Variants in PIAS1 observed in about 807,000 individuals in gnomAD.
The protein encoded by PIAS1 is protein inhibitor of activated STAT 1, also known as E3 SUMO-protein ligase PIAS1.
PIAS1 carries 6 observed loss-of-function variants against 71.3 expected under a neutral mutation model. The observed-to-expected ratio is 0.08, with a 90% CI of 0.05 to 0.17. PIAS1 has a LOEUF of 0.17. Ranked by LOEUF, PIAS1 falls within the 10% of genes least tolerant of loss-of-function variation. The pLI, the probability that PIAS1 is intolerant of heterozygous loss-of-function variation, is 1.00. For synonymous variants in PIAS1, 303 were observed against 292.9 expected, an observed-to-expected ratio of 1.03 and a Z score of -0.35; for missense variants, 555 against 793.6, an observed-to-expected ratio of 0.70 and a Z score of 3.61.
intron 2 of PIAS1, among the ~76,000 whole-genome samples, chr15:68,132,110 A>G (rs887994880): frequency 1.3e-5 from 2 of 151,962 alleles, no homozygotes; most frequent in African/African-American, 4.8e-5. Context: ...ATGGAGGTGC[A>G]TCAGAATTAT....
chr15:68,092,257 T>C (rs530221047), intron 2 of PIAS1, among the ~76,000 whole-genome samples: 1 of 152,172 alleles, frequency 6.6e-6, no homozygotes, highest in African/African-American at 2.4e-5. Flanking sequence ...CACTGCAACC[T>C]CCGCTTCCTG....
At chr15:68,145,970 A>G (rs1268943177) in intron 5 of PIAS1, 64 bp downstream of exon 5, 25 of 935,518 alleles carry the variant, frequency 2.7e-5, no homozygotes, top group Non-Finnish European at 3.7e-5. Flanking sequence ...AGTCATCACA[A>G]CTGTTGTTAA....
At chr15:68,099,493 T>C (rs909424285) in intron 2 of PIAS1, among the ~76,000 whole-genome samples, 1 of 152,000 alleles carries the variant, frequency 6.6e-6, no homozygotes, top group Non-Finnish European at 1.5e-5. Context: ...ATATCACAAT[T>C]TCTCTAACTA....
intron 2 of PIAS1, among the ~76,000 whole-genome samples, chr15:68,116,914 A>C (rs1361291677): frequency 2.0e-5 from 3 of 152,164 alleles, no homozygotes; most frequent in Non-Finnish European, 4.4e-5. Flanking sequence ...CTAACACATA[A>C]AAATTGTACA....
At chr15:68,101,181 T>C (rs573553115) in intron 2 of PIAS1, among the ~76,000 whole-genome samples, 17 of 152,312 alleles carry the variant, frequency 1.1e-4, no homozygotes, top group African/African-American at 3.6e-4. Flanking sequence ...ATTACAGGTG[T>C]GAGCCACCGT....
chr15:68,077,038 A>G (rs2092173888), intron 1 of PIAS1, among the ~76,000 whole-genome samples: 1 of 152,214 alleles, frequency 6.6e-6, no homozygotes, highest in Non-Finnish European at 1.5e-5. Context: ...TCTACTTTTA[A>G]ATTAAAAAAA....
Position 68,148,121 on chromosome 15 carries a change from A to T in PIAS1, c.828+1421A>T, listed in dbSNP as rs147328900. On this transcript the variant is annotated intron_variant, in intron 6 of 13. Coordinates refer to ENST00000249636, the MANE Select transcript of PIAS1 (RefSeq NM_016166.3). The stretch of plus-strand genomic sequence containing the variant: ...TATAAGTACTATAAAAGAGAAGCAC[A>T]TGGTGATTTTACAGTGTATCAAAGG... 8.5e-4 allele frequency among the ~76,000 whole-genome samples: 130 copies of T among 152,300 alleles called. 1 individual carries two copies. Among genetic ancestry groups the T allele is most frequent in the African/African-American group, 3.0e-3 (126 of 41,566 alleles).
intron 1 of PIAS1, among the ~76,000 whole-genome samples, chr15:68,084,964 AGGAAGGAC>A (rs753550930): frequency 7.9e-5 from 12 of 152,190 alleles, no homozygotes; most frequent in Non-Finnish European, 1.6e-4. Flanking sequence ...AGAGAAGTAA[AGGAAGGAC>A]TCATATTTCT....
At chr15:68,064,579 G>A (rs979998134) in intron 1 of PIAS1, among the ~76,000 whole-genome samples, 7 of 152,178 alleles carry the variant, frequency 4.6e-5, no homozygotes, top group South Asian at 2.1e-4. Flanking sequence ...AGATTCCTGC[G>A]TTGCAGCAGC....
chr15:68,067,623 TTAAA>T (rs1043480413), intron 1 of PIAS1, among the ~76,000 whole-genome samples: 2 of 152,096 alleles, frequency 1.3e-5, no homozygotes, highest in African/African-American at 4.8e-5. Context: ...ATAATGATTC[TTAAA>T]TAGATGCCTA....
In PIAS1 at chr15:68,164,928, A is replaced by C. The variant is rs1250690997; in HGVS notation, c.1008+124A>C. ...AATATGTCCACCATTGTTACAGTTT[A>C]TGAAAAGTGGAAAGACATCTAGGCA... On this transcript the variant is annotated intron_variant, in intron 8 of 13. Transcript: ENST00000249636. 6.8e-6 allele frequency: 4 copies of C among 584,380 alleles called. No individual in the cohort carries two copies. In the African/African-American group the frequency reaches 7.4e-5, roughly 11 times the overall value. 36.2% of individuals were successfully genotyped at this position (584,380 alleles called of 1,614,324 possible).
At chr15:68,098,436 G>A (rs560614302) in intron 2 of PIAS1, among the ~76,000 whole-genome samples, 120 of 152,234 alleles carry the variant, frequency 7.9e-4, no homozygotes, top group African/African-American at 2.8e-3. Context: ...TTTTCATCTT[G>A]CTGTCTAAGA....
chr15:68,169,946 G>C (rs1281672757), intron 8 of PIAS1, among the ~76,000 whole-genome samples: 1 of 152,112 alleles, frequency 6.6e-6, no homozygotes, highest in African/African-American at 2.4e-5. Context: ...TAGGTAGGTA[G>C]TGGGGCCAGG....
Position 68,187,487 on chromosome 15 carries a change from A to G in PIAS1, c.1663-55A>G. 1.3e-6 allele frequency: 2 copies of G among 1,490,268 alleles called. No homozygotes were observed. The highest frequency in any genetic ancestry group is 2.3e-5 in the South Asian group (2 of 85,980). 92.3% of individuals were successfully genotyped at this position (1,490,268 alleles called of 1,614,324 possible). A position where few individuals can be genotyped will look rare whatever the true frequency, so the allele number is the denominator to read the frequency against. On this transcript the variant is annotated intron_variant, in intron 13 of 13. Coordinates refer to ENST00000249636, the MANE Select transcript of PIAS1 (RefSeq NM_016166.3). The surrounding 1 kb of genome is among the most constrained non-coding windows in gnomAD (Gnocchi z 5.3). ...GGCTGTGTCCCGCTGAGGAGAAAAT[A>G]TATTAATTTGGAAGTATAATTAACA... is the stretch of plus-strand genomic sequence containing the variant.
At chr15:68,180,333 A>G (rs916525169) in intron 11 of PIAS1, among the ~76,000 whole-genome samples, 2 of 151,768 alleles carry the variant, frequency 1.3e-5, no homozygotes, top group Non-Finnish European at 2.9e-5. Context: ...CTGGGCTGAA[A>G]CTATCCTTCT....
rs2093082000 is a variant in PIAS1, at chr15:68,185,536, A to G, written c.1662+1869A>G. On this transcript the variant is annotated intron_variant, in intron 13 of 13. Coordinates refer to ENST00000249636, the MANE Select transcript of PIAS1 (RefSeq NM_016166.3). The surrounding 1 kb of genome is among the most constrained non-coding windows in gnomAD (Gnocchi z 4.4). Reference sequence around the variant, plus strand: ...AATGAGCTGTTGGAACTGGAACAGGAACACGCAGCTGAAGAAGGTGCAAGA... The same window carrying G: ...AATGAGCTGTTGGAACTGGAACAGGGACACGCAGCTGAAGAAGGTGCAAGA... Among the ~76,000 whole-genome samples the G allele has an allele frequency of 6.6e-6, 1 of 152,244 alleles. No individual in the cohort carries two copies. Among genetic ancestry groups the G allele is most frequent in the Non-Finnish European group, 1.5e-5 (1 of 68,054 alleles).
intron 7 of PIAS1, among the ~76,000 whole-genome samples, chr15:68,163,735 G>A (rs1050913248): frequency 1.3e-5 from 2 of 152,058 alleles, no homozygotes; most frequent in Non-Finnish European, 2.9e-5. Context: ...TTTCTATATG[G>A]TGTCTTATCT....
At chr15:68,135,472 G>A (rs1306350935) in intron 2 of PIAS1, among the ~76,000 whole-genome samples, 2 of 11,960 alleles carry the variant, frequency 1.7e-4, no homozygotes, top group East Asian at 2.5e-3. Context: ...CCCCCCGGAC[G>A]GGGCGGCTGG....
At chr15:68,072,314 G>A (rs548353310) in intron 1 of PIAS1, among the ~76,000 whole-genome samples, 1 of 148,846 alleles carries the variant, frequency 6.7e-6, no homozygotes, top group Non-Finnish European at 1.5e-5. Flanking sequence ...GCAGGAGAAT[G>A]GCGTGAACCC....
Sources: gnomAD v4.1 joint callset for allele counts (sites outside exome capture counted in the v4.1 genomes callset) on GRCh38, gnomAD v4.1.1 for gene constraint, Gnocchi (gnomAD v3.1) non-coding constraint, MANE v1.5 for transcripts, NCBI Gene and HGNC (gene_info 2026-07-23, HGNC 2026-07-21) for gene names.